LSAMP: variants seen among roughly 807,000 people sequenced by gnomAD.
The protein encoded by LSAMP is limbic system associated membrane protein, also known as limbic system-associated membrane protein.
A neutral mutation model predicts 38.6 loss-of-function variants in LSAMP; 7 were observed. The ratio of observed to expected loss-of-function variants is 0.18; its 90% CI spans 0.10 to 0.34. LSAMP has a LOEUF of 0.34. LSAMP is among the 10% of genes least tolerant of loss of function. The pLI, the probability that LSAMP is intolerant of heterozygous loss-of-function variation, is 1.00. For synonymous variants in LSAMP, 154 were observed against 166.8 expected, an observed-to-expected ratio of 0.92 and a Z score of 0.59; for missense variants, 313 against 420.0, an observed-to-expected ratio of 0.75 and a Z score of 2.23.
intron 1 of LSAMP, among the ~76,000 whole-genome samples, chr3:116,299,387 C>A (rs1171116726): frequency 6.6e-5 from 10 of 152,190 alleles, no homozygotes; most frequent in Non-Finnish European, 1.2e-4. Context: ...AAAGATTCTG[C>A]AGAACCACAC....
chr3:115,916,186 A>T (rs184779789), intron 3 of LSAMP, among the ~76,000 whole-genome samples: 377 of 152,240 alleles, frequency 2.5e-3, no homozygotes, highest in African/African-American at 8.7e-3. Context: ...ACCTTAGGGG[A>T]TATCTCCCAC....
chr3:116,262,225 G>GT (rs1184783794), intron 1 of LSAMP, among the ~76,000 whole-genome samples: 1 of 152,176 alleles, frequency 6.6e-6, no homozygotes, highest in African/African-American at 2.4e-5. Flanking sequence ...TGTGAATGAA[G>GT]TTAATTGTTA....
chr3:116,230,400 T>C (rs1408678429), intron 1 of LSAMP, among the ~76,000 whole-genome samples: 1 of 152,190 alleles, frequency 6.6e-6, no homozygotes, highest in Non-Finnish European at 1.5e-5. Flanking sequence ...AAAAGAAGGA[T>C]GTTTGACATT....
In LSAMP at chr3:116,080,457, G is replaced by T. The variant is rs191765843; in HGVS notation, c.388+5867C>A. ...TTATATAATTTAATAACTAAAAGAT[G>T]GACTACAGGTATATAAAAAGGGTTT... is the stretch of plus-strand genomic sequence containing the variant. On this transcript the variant is annotated intron_variant, in intron 2 of 6. Transcript: ENST00000490035. 6.5e-3 allele frequency among the ~76,000 whole-genome samples: 983 copies of T among 152,246 alleles called. 9 individuals carry two copies. Among genetic ancestry groups the T allele is most frequent in the African/African-American group, 0.022 (930 of 41,546 alleles).
chr3:116,055,421 TA>T (rs1325114051), intron 2 of LSAMP, among the ~76,000 whole-genome samples: 1 of 152,112 alleles, frequency 6.6e-6, no homozygotes, highest in Non-Finnish European at 1.5e-5. Context: ...CCTTATTTGG[TA>T]GTTTAATAAT....
chr3:116,050,875 G>T (rs1250618686), intron 2 of LSAMP, among the ~76,000 whole-genome samples: 1 of 152,158 alleles, frequency 6.6e-6, no homozygotes, highest in Non-Finnish European at 1.5e-5. Flanking sequence ...ACATCTTGTG[G>T]AAGATAAATT....
At chr3:116,380,961 A>C (rs911203620) in intron 1 of LSAMP, among the ~76,000 whole-genome samples, 4 of 152,048 alleles carry the variant, frequency 2.6e-5, no homozygotes, top group African/African-American at 9.7e-5. Context: ...GCTGCTTCCT[A>C]TGTTATATTC....
intron 3 of LSAMP, among the ~76,000 whole-genome samples, chr3:115,877,824 C>G (rs1936222270): frequency 6.6e-6 from 1 of 152,084 alleles, no homozygotes; most frequent in Non-Finnish European, 1.5e-5. Flanking sequence ...GCATCTGGTG[C>G]TATGATATTT....
chr3:116,122,348 GTATT>G lies in LSAMP; in HGVS notation c.156-35796_156-35793del, dbSNP rs373948599. On this transcript the variant is annotated intron_variant, in intron 1 of 6. Transcript: ENST00000490035. The stretch of plus-strand genomic sequence containing the variant: ...TTACCAAGTGATGTTTAAATAGGTT[GTATT>G]TATTTATTTTCTCAAGAATGATCTG... Among the ~76,000 whole-genome samples the G allele has an allele frequency of 2.0e-3, 304 of 152,228 alleles. 4 individuals are homozygous for G. The highest frequency in any genetic ancestry group is 6.8e-3 in the African/African-American group (283 of 41,540).
At chr3:115,971,737 A>G (rs762278080) in intron 3 of LSAMP, among the ~76,000 whole-genome samples, 4 of 152,172 alleles carry the variant, frequency 2.6e-5, no homozygotes, top group Admixed American at 2.0e-4. Context: ...ACTGTATACA[A>G]CATTAATTGA....
At chr3:115,849,045 A>G (rs777638968) in intron 4 of LSAMP, among the ~76,000 whole-genome samples, 4 of 152,224 alleles carry the variant, frequency 2.6e-5, no homozygotes, top group Non-Finnish European at 4.4e-5. Context: ...AACTGCACCT[A>G]GAACCTGCAA....
chr3:116,213,918 A>C (rs899852908), intron 1 of LSAMP, among the ~76,000 whole-genome samples: 2 of 152,224 alleles, frequency 1.3e-5, no homozygotes, highest in East Asian at 3.9e-4. Context: ...AGAAATTAAG[A>C]GTTACTAACC....
intron 3 of LSAMP, among the ~76,000 whole-genome samples, chr3:115,873,400 T>C (rs963249665): frequency 5.4e-5 from 8 of 149,206 alleles, no homozygotes; most frequent in African/African-American, 1.7e-4. Context: ...AAAAAGTCTA[T>C]GCTTTTTTAG....
intron 3 of LSAMP, among the ~76,000 whole-genome samples, chr3:116,014,826 C>A (rs1434049666): frequency 6.6e-6 from 1 of 152,164 alleles, no homozygotes; most frequent in African/African-American, 2.4e-5. Context: ...TAAATGAGTT[C>A]AGTTTAACAT....
chr3:116,108,729 T>C (rs952019568), intron 1 of LSAMP, among the ~76,000 whole-genome samples: 1 of 152,202 alleles, frequency 6.6e-6, no homozygotes, highest in African/African-American at 2.4e-5. Flanking sequence ...GGAGAAATCC[T>C]GGGCTGCAGG....
intron 2 of LSAMP, among the ~76,000 whole-genome samples, chr3:116,056,932 G>A (rs1395950719): frequency 6.6e-6 from 1 of 152,076 alleles, no homozygotes; most frequent in Non-Finnish European, 1.5e-5. Flanking sequence ...CATTCATAAA[G>A]AGAATGACAC....
intron 1 of LSAMP, among the ~76,000 whole-genome samples, chr3:116,250,216 AT>A (rs2046661603): frequency 6.6e-6 from 1 of 152,232 alleles, no homozygotes; most frequent in Non-Finnish European, 1.5e-5. Context: ...TTAAATACAT[AT>A]AATCATTGTA....
chr3:116,072,752 G>GTTTTTTTT (rs36091421), intron 2 of LSAMP, among the ~76,000 whole-genome samples: 2 of 112,354 alleles, frequency 1.8e-5, no homozygotes, highest in African/African-American at 3.3e-5. Flanking sequence ...GTTGTTTGTG[G>GTTTTTTTT]TTTTTTTTTT....
intron 3 of LSAMP, among the ~76,000 whole-genome samples, chr3:115,931,755 T>A (rs1160921655): frequency 6.6e-6 from 1 of 152,242 alleles, no homozygotes. Flanking sequence ...CCTTATCTTA[T>A]TAACAGTAAT....
Sources: gnomAD v4.1 joint callset for allele counts (sites outside exome capture counted in the v4.1 genomes callset) on GRCh38, gnomAD v4.1.1 for gene constraint, MANE v1.5 for transcripts, NCBI Gene and HGNC (gene_info 2026-07-23, HGNC 2026-07-21) for gene names.